The following B3GALT1 variants were observed in gnomAD, a reference collection of about 807,000 sequenced individuals.
B3GALT1 encodes beta-1,3-galactosyltransferase 1.
In B3GALT1, 10 loss-of-function variants were observed where a neutral mutation model predicts 23.2. That is an observed-to-expected ratio of 0.43 (90% CI 0.27 to 0.73). The LOEUF (loss-of-function observed/expected upper bound fraction) is 0.73. Ranked by LOEUF, B3GALT1 falls within the 30% of genes least tolerant of loss-of-function variation. B3GALT1 has a pLI of 0.21. For synonymous variants in B3GALT1, 156 were observed against 141.5 expected, an observed-to-expected ratio of 1.10 and a Z score of -0.73; for missense variants, 299 against 405.4, an observed-to-expected ratio of 0.74 and a Z score of 2.25.
chr2:167,360,568 G>A (rs1205995893), intron 1 of B3GALT1, among the ~76,000 whole-genome samples: 1 of 152,116 alleles, frequency 6.6e-6, no homozygotes, highest in Admixed American at 6.6e-5. Context: ...GAAACTCCAA[G>A]TGAGGCCCAG....
intron 2 of B3GALT1, among the ~76,000 whole-genome samples, chr2:167,528,264 A>AT (rs909564780): frequency 1.8e-4 from 27 of 152,200 alleles, no homozygotes; most frequent in African/African-American, 6.5e-4. Context: ...TTGCAAGAAA[A>AT]TGTCAGGTTA....
At chr2:167,854,861 C>T (rs1310684149) in intron 4 of B3GALT1, among the ~76,000 whole-genome samples, 2 of 152,138 alleles carry the variant, frequency 1.3e-5, no homozygotes, top group African/African-American at 2.4e-5. Flanking sequence ...CCTTCTGATG[C>T]CATCTCTTAA....
At chr2:167,715,394 T>A in intron 3 of B3GALT1, 1 of 1,613,266 alleles carries the variant, frequency 6.2e-7, no homozygotes, top group Non-Finnish European at 8.5e-7. Flanking sequence ...TCGCAAAAGC[T>A]GTTTCTGGCT....
intron 1 of B3GALT1, among the ~76,000 whole-genome samples, chr2:167,307,520 G>C (rs1316282380): frequency 6.6e-6 from 1 of 151,976 alleles, no homozygotes; most frequent in Non-Finnish European, 1.5e-5. Flanking sequence ...TATTTTCTAA[G>C]AGTGCACTAA....
intron 3 of B3GALT1, among the ~76,000 whole-genome samples, chr2:167,760,926 G>A (rs72876887): frequency 0.14 from 21,835 of 152,154 alleles, 1,778 homozygotes; most frequent in East Asian, 0.24. Context: ...TATATGCACC[G>A]TTGCATACAT....
At chr2:167,781,854 ACCT>A (rs1688250468) in intron 3 of B3GALT1, among the ~76,000 whole-genome samples, 6 of 151,948 alleles carry the variant, frequency 3.9e-5, no homozygotes, top group Admixed American at 3.3e-4. Context: ...CAATCCTCCC[ACCT>A]CAGCCTCCTG....
At chr2:167,469,521 A>G (rs1699395042) in intron 1 of B3GALT1, among the ~76,000 whole-genome samples, 1 of 152,210 alleles carries the variant, frequency 6.6e-6, no homozygotes, top group Non-Finnish European at 1.5e-5. Flanking sequence ...TCAGTATCAC[A>G]TGGTTACACT....
chr2:167,666,325 T>C (rs1463453147), intron 3 of B3GALT1, among the ~76,000 whole-genome samples: 1 of 152,222 alleles, frequency 6.6e-6, no homozygotes, highest in Non-Finnish European at 1.5e-5. Flanking sequence ...CAGTTTGTTA[T>C]AATTTCTGTT....
chr2:167,494,538 A>G (rs181569004), intron 2 of B3GALT1, among the ~76,000 whole-genome samples: 8 of 152,252 alleles, frequency 5.3e-5, no homozygotes, highest in Admixed American at 5.2e-4. Context: ...CTATAACTGT[A>G]TGTTTGATAT....
chr2:167,659,930 C>G (rs1394086606), intron 3 of B3GALT1, among the ~76,000 whole-genome samples: 4 of 152,008 alleles, frequency 2.6e-5, no homozygotes, highest in African/African-American at 9.7e-5. Flanking sequence ...AATTCCAGAA[C>G]TGATTCGTAT....
intron 3 of B3GALT1, among the ~76,000 whole-genome samples, chr2:167,717,292 G>A (rs1687161178): frequency 7.6e-6 from 1 of 131,276 alleles, no homozygotes; most frequent in African/African-American, 2.5e-5. Flanking sequence ...GATTATCTAT[G>A]AGTTTTTTTT....
chr2:167,494,491 T>C (rs1315846880), intron 2 of B3GALT1, among the ~76,000 whole-genome samples: 2 of 152,066 alleles, frequency 1.3e-5, no homozygotes, highest in African/African-American at 2.4e-5. Flanking sequence ...ACGTAAGAAG[T>C]ATCTAAAATA....
At chr2:167,835,716 G>T (rs537523338) in intron 4 of B3GALT1, among the ~76,000 whole-genome samples, 2 of 152,196 alleles carry the variant, frequency 1.3e-5, no homozygotes, top group Non-Finnish European at 2.9e-5. Flanking sequence ...ATCTGAGAAC[G>T]GGCAGACTGC....
chr2:167,863,721 C>G (rs1690151187), intron 4 of B3GALT1, among the ~76,000 whole-genome samples: 1 of 152,122 alleles, frequency 6.6e-6, no homozygotes. Context: ...GTTTTGCCAC[C>G]TGAGAAATCT....
intron 3 of B3GALT1, among the ~76,000 whole-genome samples, chr2:167,663,863 C>T (rs1686119824): frequency 6.6e-6 from 1 of 151,808 alleles, no homozygotes. Flanking sequence ...GGATGTTAGC[C>T]CTTTGTCAGA....
At chr2:167,583,518 CA>C (rs759407274) in intron 2 of B3GALT1, among the ~76,000 whole-genome samples, 1 of 152,100 alleles carries the variant, frequency 6.6e-6, no homozygotes, top group Non-Finnish European at 1.5e-5. Flanking sequence ...TTTATATTTA[CA>C]AACATTATAT....
chr2:167,695,616 A>C lies in B3GALT1; in HGVS notation c.-352+48650A>C, dbSNP rs1208925811. On this transcript the variant is annotated intron_variant, in intron 3 of 4. Transcript: ENST00000392690. ...AGCTTTCATTTTCTTTCTCAACACA[A>C]TTATTTTTATTACTGCTTCTGCCTT... is the stretch of plus-strand genomic sequence containing the variant. Among the ~76,000 whole-genome samples the C allele has an allele frequency of 5.3e-5, 8 of 152,074 alleles. No individual in the cohort carries two copies. The South Asian group carries it at 1.7e-3, about 31-fold the overall frequency.
chr2:167,388,359 G>C (rs73021735), intron 1 of B3GALT1, among the ~76,000 whole-genome samples: 3,105 of 152,224 alleles, frequency 0.02, 111 homozygotes, highest in African/African-American at 0.071. Context: ...AAAATGTTTT[G>C]TTAAGACAAA....
chr2:167,857,915 G>A (rs1559005134), intron 4 of B3GALT1, among the ~76,000 whole-genome samples: 3 of 151,922 alleles, frequency 2.0e-5, no homozygotes, highest in Admixed American at 6.6e-5. Flanking sequence ...ATTACACTTC[G>A]GATTAAGTTT....
Sources: gnomAD v4.1 joint callset for allele counts (sites outside exome capture counted in the v4.1 genomes callset) on GRCh38, gnomAD v4.1.1 for gene constraint, MANE v1.5 for transcripts, NCBI Gene and HGNC (gene_info 2026-07-23, HGNC 2026-07-21) for gene names.